CEP44: variants seen among roughly 807,000 people sequenced by gnomAD.
CEP44 encodes the protein centrosomal protein of 44 kDa.
CEP44 carries 45 observed loss-of-function variants against 46.7 expected under a neutral mutation model. That is an observed-to-expected ratio of 0.96 (90% CI 0.76 to 1.24). The LOEUF is 1.24. CEP44 is among the 50% of genes most tolerant of loss of function. The pLI, the probability that CEP44 is intolerant of heterozygous loss-of-function variation, is 0.00. For missense variants in CEP44, 475 were observed against 459.7 expected (o/e 1.03, Z -0.30); for synonymous variants, 142 against 146.0 (o/e 0.97, Z 0.20).
At chr4:174,304,106 T>C (rs1460425008) in intron 5 of CEP44, 141 bp from the exon 6 acceptor site, 5 of 1,086,412 alleles carry the variant, frequency 4.6e-6, no homozygotes, top group Non-Finnish European at 6.3e-6. Flanking sequence ...TCTTAGTTTT[T>C]AAAAGTCATG....
At chr4:174,295,397 G>A (rs949434985) in intron 1 of CEP44, among the ~76,000 whole-genome samples, 3 of 151,346 alleles carry the variant, frequency 2.0e-5, no homozygotes, top group Non-Finnish European at 4.4e-5. Context: ...ATGGGCGGCC[G>A]GGCAGAGACG....
chr4:174,309,116 A>T lies in CEP44; in HGVS notation c.678+257A>T, dbSNP rs374469249. On this transcript the variant is annotated intron_variant, in intron 7 of 11. Transcript: ENST00000503780. This position sits in a 1 kb window ranked among gnomAD's most constrained non-coding sequence, Gnocchi z 5.3. ...TAAGATATGGTACTTGGCTTTAAGG[A>T]ATCTACAATTTAGTGAGACATAGCG... is the stretch of plus-strand genomic sequence containing the variant. Among the ~76,000 whole-genome samples the T allele has an allele frequency of 3.9e-5, 6 of 152,230 alleles. No homozygotes were observed. In the East Asian group the frequency reaches 1.2e-3, roughly 29 times the overall value.
chr4:174,294,593 G>A (rs1738637321), intron 1 of CEP44, among the ~76,000 whole-genome samples: 1 of 151,934 alleles, frequency 6.6e-6, no homozygotes, highest in African/African-American at 2.4e-5. Context: ...CTGGGCAGAG[G>A]GGCTCCTCAC....
chr4:174,331,516 CCA>C lies in CEP44; in HGVS notation c.1122_1123del (p.Leu376GlnfsTer40). On this transcript the variant is annotated frameshift_variant, in exon 9 of 9. Transcript: ENST00000426172. LOFTEE classifies it low-confidence loss of function (END_TRUNC). The surrounding 1 kb of genome is among the most constrained non-coding windows in gnomAD (Gnocchi z 4.5). Reference sequence around the variant, plus strand: ...GCATGGAGTGCTACATCCTCTTGTTCCAGTCTCAGCTGGCTGCTCCGTGGGCA... The same window carrying C: ...GCATGGAGTGCTACATCCTCTTGTTCGTCTCAGCTGGCTGCTCCGTGGGCA... The C allele has an allele frequency of 6.4e-7, 1 of 1,551,590 alleles. No homozygotes were observed. Among genetic ancestry groups the C allele is most frequent in the East Asian group, 2.4e-5 (1 of 40,918 alleles).
intron 6 of CEP44, among the ~76,000 whole-genome samples, chr4:174,305,689 A>T (rs1454567869): frequency 6.6e-6 from 1 of 152,288 alleles, no homozygotes; most frequent in East Asian, 1.9e-4. Flanking sequence ...TAAATGACTT[A>T]TATCTTGTAT....
At chr4:174,307,823 A>G (rs1394262482) in intron 6 of CEP44, among the ~76,000 whole-genome samples, 1 of 152,222 alleles carries the variant, frequency 6.6e-6, no homozygotes, top group Non-Finnish European at 1.5e-5. Context: ...TTCTGAAGAG[A>G]AGGTATACAT....
intron 4 of CEP44, 28 bp downstream of exon 4, chr4:174,302,214 A>G (rs1560900251): frequency 4.1e-6 from 6 of 1,446,980 alleles, no homozygotes; most frequent in East Asian, 4.6e-5. Context: ...AACAATAACT[A>G]TTAGTTATTG....
In CEP44 at chr4:174,330,360, G is replaced by A. The variant is rs887328840; in HGVS notation, c.1087-1122G>A. ...AAAAATTAGCCAGGCATGGTGGCGC[G>A]TGCCTGTAATCCCAGCTACTAGTGG... On this transcript the variant is annotated intron_variant, in intron 8 of 8. Coordinates refer to the CEP44 transcript ENST00000426172. Among the ~76,000 whole-genome samples, 5 of 152,002 alleles carry A rather than the reference G, an allele frequency of 3.3e-5. No homozygotes were observed. In the South Asian group the frequency reaches 6.2e-4, roughly 19 times the overall value.
At chr4:174,320,428 A>G (rs1742209796), downstream of CEP44, 3 of 638,562 alleles carry the variant, frequency 4.7e-6, no homozygotes, top group African/African-American at 2.0e-5. Flanking sequence ...TTTATAAACT[A>G]CAACACTTTT....
At chr4:174,313,293 T>G (rs894178431) in intron 9 of CEP44, among the ~76,000 whole-genome samples, 12 of 152,010 alleles carry the variant, frequency 7.9e-5, no homozygotes, top group African/African-American at 2.9e-4. Flanking sequence ...GTTTAGGTGT[T>G]AATTGCCAGA....
rs1731169862 is a variant in CEP44, at chr4:174,329,012, T to C, written c.1087-2470T>C. ...CCCAGGCAGGAGTACAGTGGCACAA[T>C]CATAGCTCATTGCAACCTAGAACCC... On this transcript the variant is annotated intron_variant, in intron 8 of 8. Coordinates refer to the CEP44 transcript ENST00000426172. This position sits in a 1 kb window ranked among gnomAD's most constrained non-coding sequence, Gnocchi z 4.0. Among the ~76,000 whole-genome samples, 1 of 152,194 alleles carries C rather than the reference T, an allele frequency of 6.6e-6. No individual in the cohort carries two copies. The highest frequency in any genetic ancestry group is 1.9e-4 in the East Asian group (1 of 5,184).
chr4:174,307,701 G>T (rs767581288), intron 6 of CEP44, among the ~76,000 whole-genome samples: 2 of 152,048 alleles, frequency 1.3e-5, no homozygotes, highest in Non-Finnish European at 2.9e-5. Context: ...GAAAATTTTT[G>T]CAAACTTGTA....
At position 174,291,030 on chromosome 4, in the gene CEP44, T is replaced by G. The variant is rs139003536; in HGVS notation, c.-147-6936T>G. Among the ~76,000 whole-genome samples the G allele has an allele frequency of 2.4e-3, 365 of 152,330 alleles. 3 individuals carry two copies. Among genetic ancestry groups the G allele is most frequent in the African/African-American group, 8.3e-3 (344 of 41,572 alleles). On this transcript the variant is annotated intron_variant, in intron 1 of 11. Coordinates refer to ENST00000503780, the MANE Select transcript of CEP44 (RefSeq NM_001040157.3). ...AATCCCTTCACTTTTAGCCTACGTG[T>G]GTCCTTAAATGTTAGAGTCTCTTGT...
chr4:174,327,379 A>G (rs141508271), intron 8 of CEP44, among the ~76,000 whole-genome samples: 63 of 152,034 alleles, frequency 4.1e-4, no homozygotes, highest in Middle Eastern at 3.4e-3. Flanking sequence ...ATTAATTCTT[A>G]CCCAGATTAT....
intron 6 of CEP44, among the ~76,000 whole-genome samples, chr4:174,306,596 G>A (rs1740430402): frequency 6.6e-6 from 1 of 151,948 alleles, no homozygotes; most frequent in South Asian, 2.1e-4. Context: ...TATTGGTAAT[G>A]TTAGTAATGG....
chr4:174,294,328 C>G (rs1360862297), intron 1 of CEP44, among the ~76,000 whole-genome samples: 1 of 151,980 alleles, frequency 6.6e-6, no homozygotes, highest in African/African-American at 2.4e-5. Context: ...TGAGTGGACA[C>G]AGCACATGTT....
At chr4:174,292,460 CTCTG>C (rs1489515883) in intron 1 of CEP44, among the ~76,000 whole-genome samples, 4 of 152,164 alleles carry the variant, frequency 2.6e-5, no homozygotes, top group African/African-American at 4.8e-5. Flanking sequence ...CCCCCTTTCT[CTCTG>C]TCTTTTTGCC....
rs775638190 is a variant in CEP44, at chr4:174,316,340, G to C, written c.1086+50G>C. On this transcript the variant is annotated intron_variant, in intron 10 of 11. Coordinates refer to ENST00000503780, the MANE Select transcript of CEP44 (RefSeq NM_001040157.3). The stretch of plus-strand genomic sequence containing the variant: ...CTTTCTAAATGAGGAAAACAAGCAA[G>C]CATTAGCTTTTGTTGTAAATATTGC... 5.1e-6 allele frequency: 8 copies of C among 1,559,352 alleles called. No individual in the cohort carries two copies. The East Asian group carries it at 1.8e-4, about 35-fold the overall frequency.
chr4:174,296,583 T>A (rs1480625485), intron 1 of CEP44, among the ~76,000 whole-genome samples: 2 of 152,198 alleles, frequency 1.3e-5, no homozygotes, highest in Non-Finnish European at 2.9e-5. Flanking sequence ...AAAGCAGACA[T>A]TGTATGATTT....
Sources: allele counts gnomAD v4.1 joint callset (sites outside exome capture counted in the v4.1 genomes callset), GRCh38; gene constraint gnomAD v4.1.1; non-coding constraint Gnocchi (gnomAD v3.1); transcripts MANE v1.5; gene names NCBI Gene and HGNC (gene_info 2026-07-23, HGNC 2026-07-21).